The following ATP6V0A4 variants were observed in gnomAD, a reference collection of about 807,000 sequenced individuals.
ATP6V0A4 encodes V-type proton ATPase 116 kDa subunit a 4.
ATP6V0A4 carries 86 observed loss-of-function variants against 107.3 expected under a neutral mutation model. The ratio of observed to expected loss-of-function variants is 0.80; its 90% CI spans 0.67 to 0.96. The LOEUF (loss-of-function observed/expected upper bound fraction) is 0.96, where lower values mean the gene tolerates loss of function less well. Among genes scored for constraint, ATP6V0A4 ranks in the 40% least tolerant of loss-of-function variants. The pLI is 0.00. For synonymous variants in ATP6V0A4, 353 were observed against 381.4 expected (o/e 0.93, Z 0.87); for missense variants, 908 against 1,045.6 (o/e 0.87, Z 1.81).
At chr7:138,727,679 T>A (rs1055736704) in intron 18 of ATP6V0A4, among the ~76,000 whole-genome samples, 1 of 152,188 alleles carries the variant, frequency 6.6e-6, no homozygotes, top group African/African-American at 2.4e-5. Flanking sequence ...AAAAATAGAA[T>A]TTAATCTGAA....
intron 18 of ATP6V0A4, among the ~76,000 whole-genome samples, chr7:138,723,282 G>C (rs183347612): frequency 6.6e-6 from 1 of 152,030 alleles, no homozygotes; most frequent in East Asian, 1.9e-4. Flanking sequence ...ATCATCAGTC[G>C]TACCTTCCAT....
chr7:138,770,598 A>T (rs893247096), intron 3 of ATP6V0A4, among the ~76,000 whole-genome samples: 16 of 152,168 alleles, frequency 1.1e-4, no homozygotes, highest in African/African-American at 3.9e-4. Context: ...TGGTTTTCTC[A>T]ATTAGACTAC....
In ATP6V0A4 at chr7:138,747,499, T is replaced by G; in HGVS notation, c.1246A>C (p.Thr416Pro). Residue 416 changes from threonine to proline, a missense_variant, in exon 13 of 22, where the codon ACC (threonine) becomes CCC (proline). Transcript: ENST00000310018. The part of the protein sequence containing the change: ...AVMFGDCGHG[T>P]VMLLAALWMI... ...CAAAGTGCAGCCAGGAGCATCACGG[T>G]TCCATGACCACAGTCTCCAAACATC... The G allele has an allele frequency of 6.2e-7, 1 of 1,613,996 alleles. No homozygotes were observed. The highest frequency in any genetic ancestry group is 2.2e-5 in the East Asian group (1 of 44,862).
intron 11 of ATP6V0A4, among the ~76,000 whole-genome samples, chr7:138,749,672 A>G (rs1021959334): frequency 1.3e-5 from 2 of 151,476 alleles, no homozygotes; most frequent in African/African-American, 2.4e-5. Context: ...CCCTTCCCCA[A>G]TTTTTTCCTA....
intron 2 of ATP6V0A4, among the ~76,000 whole-genome samples, chr7:138,779,183 A>G (rs6959622): frequency 0.01 from 1,580 of 151,986 alleles, 29 homozygotes; most frequent in African/African-American, 0.036. Context: ...CTCTACAAAT[A>G]ATAATAATAA....
At position 138,732,974 on chromosome 7, in the gene ATP6V0A4, T is replaced by C. The variant is rs751558951; in HGVS notation, c.1811A>G (p.His604Arg). The C allele has an allele frequency of 6.2e-7, 1 of 1,613,742 alleles. No individual in the cohort carries two copies. Among genetic ancestry groups the C allele is most frequent in the Non-Finnish European group, 8.5e-7 (1 of 1,179,736 alleles). ...GATGCTGGGGGCGTGCTGAGATACA[T>C]GGACGTCAAAGCAGCACCATTTGAA... ...IIFKWCCFDV[H>R]VSQHAPSILI... Residue 604 changes from histidine (H) to arginine (R), a missense_variant, in exon 17 of 22, where the codon CAT becomes CGT. By Grantham distance (29) the His-to-Arg change is conservative. Transcript: ENST00000310018.
intron 5 of ATP6V0A4, among the ~76,000 whole-genome samples, chr7:138,765,251 A>T (rs1322977025): frequency 6.6e-6 from 1 of 151,784 alleles, no homozygotes; most frequent in East Asian, 1.9e-4. Context: ...CTTCAGTTCC[A>T]CTCCATTACC....
chr7:138,745,422 C>T, intron 13 of ATP6V0A4, 142 bp from the exon 14 acceptor site: 1 of 1,247,514 alleles, frequency 8.0e-7, no homozygotes, highest in Non-Finnish European at 1.2e-6. Flanking sequence ...CATCAATCAT[C>T]CAGACAGGAA....
At chr7:138,729,385 A>T (rs1804875702) in intron 17 of ATP6V0A4, among the ~76,000 whole-genome samples, 1 of 152,172 alleles carries the variant, frequency 6.6e-6, no homozygotes, top group South Asian at 2.1e-4. Flanking sequence ...TAAAAAAGAA[A>T]AAAGAAGTTC....
chr7:138,772,371 C>T (rs1807437936), intron 2 of ATP6V0A4, among the ~76,000 whole-genome samples: 1 of 152,160 alleles, frequency 6.6e-6, no homozygotes, highest in Non-Finnish European at 1.5e-5. Context: ...ATTAAATAAA[C>T]TGTGATATAA....
intron 1 of ATP6V0A4, among the ~76,000 whole-genome samples, chr7:138,795,753 AC>A (rs1285604842): frequency 5.3e-5 from 8 of 151,914 alleles, no homozygotes; most frequent in Non-Finnish European, 1.5e-5. Flanking sequence ...TGATCCTCCC[AC>A]CTCAGCCTCC....
chr7:138,796,196 G>A (rs868153220), intron 1 of ATP6V0A4, among the ~76,000 whole-genome samples: 4 of 152,052 alleles, frequency 2.6e-5, no homozygotes, highest in South Asian at 4.1e-4. Context: ...AGGGCTGTGT[G>A]GTCTTTCTCA....
At chr7:138,786,592 A>G (rs1355081574) in intron 1 of ATP6V0A4, among the ~76,000 whole-genome samples, 3 of 151,490 alleles carry the variant, frequency 2.0e-5, no homozygotes, top group African/African-American at 4.9e-5. Context: ...AAAAAAAAAA[A>G]AGAGAGACAA....
At chr7:138,717,184 A>T (rs928615038) in intron 19 of ATP6V0A4, among the ~76,000 whole-genome samples, 6 of 152,314 alleles carry the variant, frequency 3.9e-5, no homozygotes, top group Non-Finnish European at 8.8e-5. Flanking sequence ...GAACTACCGA[A>T]GCCCCGAAGA....
intron 2 of ATP6V0A4, among the ~76,000 whole-genome samples, chr7:138,778,103 G>A (rs1807752082): frequency 2.6e-5 from 4 of 152,188 alleles, no homozygotes; most frequent in Admixed American, 2.6e-4. Context: ...GCTGGGCACG[G>A]TGGGTCATGC....
intron 1 of ATP6V0A4, among the ~76,000 whole-genome samples, chr7:138,790,335 C>T (rs950254984): frequency 6.6e-6 from 1 of 152,112 alleles, no homozygotes; most frequent in African/African-American, 2.4e-5. Flanking sequence ...GCTCTGTAAC[C>T]CAGGCTGGAG....
At chr7:138,749,356 AG>A in intron 11 of ATP6V0A4, 39 bp from the exon 12 acceptor site, 1 of 1,604,264 alleles carries the variant, frequency 6.2e-7, no homozygotes, top group Non-Finnish European at 8.5e-7. Flanking sequence ...TGTAAGGAGA[AG>A]AGTCTTGGGC....
At chr7:138,753,863 C>T (rs1247136202) in intron 10 of ATP6V0A4, among the ~76,000 whole-genome samples, 1 of 152,092 alleles carries the variant, frequency 6.6e-6, no homozygotes, top group Non-Finnish European at 1.5e-5. Context: ...GAGCATAGCC[C>T]GAATTATATG....
chr7:138,768,947 A>T, intron 4 of ATP6V0A4, 73 bp from the exon 5 acceptor site: 1 of 1,598,118 alleles, frequency 6.3e-7, no homozygotes, highest in Non-Finnish European at 8.5e-7. Context: ...AGGTCAAGCA[A>T]GACATGTGCC....
Sources: allele counts gnomAD v4.1 joint callset (sites outside exome capture counted in the v4.1 genomes callset), GRCh38; gene constraint gnomAD v4.1.1; transcripts MANE v1.5; gene names NCBI Gene and HGNC (gene_info 2026-07-23, HGNC 2026-07-21).